CEMIP: variants seen among roughly 807,000 people sequenced by gnomAD.
The protein encoded by CEMIP is cell migration inducing hyaluronidase 1, also known as cell migration-inducing and hyaluronan-binding protein.
A neutral mutation model predicts 156.9 loss-of-function variants in CEMIP; 105 were observed. The ratio of observed to expected loss-of-function variants is 0.67; its 90% CI spans 0.57 to 0.79. The LOEUF is 0.79. Among genes scored for constraint, CEMIP ranks in the 30% least tolerant of loss-of-function variants. The pLI, the probability that CEMIP is intolerant of heterozygous loss-of-function variation, is 0.00. For synonymous variants in CEMIP, 676 were observed against 668.4 expected, an observed-to-expected ratio of 1.01 and a Z score of -0.17; for missense variants, 1,457 against 1,769.4, an observed-to-expected ratio of 0.82 and a Z score of 3.17.
intron 19 of CEMIP, among the ~76,000 whole-genome samples, chr15:80,927,128 C>T (rs1469659126): frequency 2.0e-5 from 3 of 152,148 alleles, no homozygotes; most frequent in African/African-American, 7.2e-5. Context: ...TGTGCCCAGC[C>T]GCAGGGCCTT....
At chr15:80,855,507 C>A (rs1430635417) in intron 1 of CEMIP, among the ~76,000 whole-genome samples, 1 of 149,950 alleles carries the variant, frequency 6.7e-6, no homozygotes, top group East Asian at 2.0e-4. Context: ...TTTTTTTTTT[C>A]TTTTTCTTTT....
chr15:80,874,125 G>C, intron 3 of CEMIP, 152 bp downstream of exon 3: 1 of 720,268 alleles, frequency 1.4e-6, no homozygotes, highest in African/African-American at 1.7e-5. Context: ...AAACTCCTTG[G>C]TCCCCGGCAC....
At chr15:80,825,507 G>A (rs1368237704) in intron 1 of CEMIP, among the ~76,000 whole-genome samples, 6 of 152,116 alleles carry the variant, frequency 3.9e-5, no homozygotes, top group African/African-American at 1.4e-4. Context: ...GAATTTCCAG[G>A]ACAGGGCTGG....
chr15:80,788,082 G>A (rs553695063), intron 1 of CEMIP, among the ~76,000 whole-genome samples: 9 of 152,214 alleles, frequency 5.9e-5, no homozygotes, highest in African/African-American at 9.6e-5. Flanking sequence ...GGCCCCTGTC[G>A]GTGTGCAAAG....
chr15:80,888,855 C>A, intron 9 of CEMIP, 59 bp downstream of exon 9: 1 of 1,362,294 alleles, frequency 7.3e-7, no homozygotes, highest in Non-Finnish European at 1.1e-6. Context: ...CCAGAAATCA[C>A]TGTCTTTGCA....
In CEMIP at chr15:80,920,166, AC is replaced by A; in HGVS notation, c.1871del (p.Thr624IlefsTer27). ...GGAAGATGGGCCGGAGGAACGCAAC[AC>A]TTTTGACCACTGTCTTGGCCTCCTT... ...FTEDGPEERN[T>X]FDHCLGLLVK... On this transcript the variant is annotated frameshift_variant, in exon 15 of 30. Coordinates refer to ENST00000394685, the MANE Select transcript of CEMIP (RefSeq NM_001293298.2). LOFTEE classifies it high-confidence loss of function. 1 of 1,614,158 alleles carries A rather than the reference AC, an allele frequency of 6.2e-7. No homozygotes were observed. The highest frequency in any genetic ancestry group is 8.5e-7 in the Non-Finnish European group (1 of 1,180,020).
Position 80,873,890 on chromosome 15 carries a change from C to A in CEMIP, c.11C>A (p.Ala4Asp), listed in dbSNP as rs1898377634. 1 of 1,578,612 alleles carries A rather than the reference C, an allele frequency of 6.3e-7. No individual in the cohort carries two copies. The highest frequency in any genetic ancestry group is 8.6e-7 in the Non-Finnish European group (1 of 1,160,502). ...GAGCACACTGCCAGGATGGGAGCTG[C>A]TGGGAGGCAGGACTTCCTCTTCAAG... MGA[A>D]GRQDFLFKAM... is the part of the protein sequence containing the mutation. The change falls in exon 3 of 30, where the codon GCT (alanine) becomes GAT (aspartate). Residue 4 changes from alanine (A) to aspartate (D), a missense_variant. Around this residue, in one of 5 missense-constraint regions of CEMIP, gnomAD observed 309 missense variants for 340.8 expected, o/e 0.91. Transcript: ENST00000394685.
In CEMIP at chr15:80,895,071, C is replaced by T. The variant is rs535992572; in HGVS notation, c.1168C>T (p.Arg390Trp). The change falls in exon 11 of 30, where the codon CGG becomes TGG. Residue 390 changes from arginine to tryptophan, a missense_variant. Transcript: ENST00000394685. ...GGATTATAGGTTTGCTTGCTACGAC[C>T]GGGGCAGAGCCTGCCGGAGCTACCG... ...GQDYRFACYD[R>W]GRACRSYRVR... The T allele has an allele frequency of 8.7e-5, 140 of 1,614,060 alleles. 1 individual carries two copies. In the South Asian group the frequency reaches 1.3e-3, roughly 15 times the overall value.
intron 8 of CEMIP, among the ~76,000 whole-genome samples, chr15:80,888,219 AG>A (rs1274981067): frequency 2.6e-5 from 4 of 152,042 alleles, no homozygotes; most frequent in African/African-American, 9.7e-5. Flanking sequence ...AAAAAAAAAA[AG>A]AATTAGCCAG....
intron 1 of CEMIP, among the ~76,000 whole-genome samples, chr15:80,782,390 G>T (rs1895820475): frequency 6.6e-6 from 1 of 152,202 alleles, no homozygotes; most frequent in Non-Finnish European, 1.5e-5. Context: ...CTTACTTCAT[G>T]CTTGAGCCTT....
At chr15:80,931,202 C>T (rs1900898669) in intron 21 of CEMIP, among the ~76,000 whole-genome samples, 1 of 152,196 alleles carries the variant, frequency 6.6e-6, no homozygotes, top group African/African-American at 2.4e-5. Context: ...TCTTGCTTTT[C>T]AGTGGGGCCT....
At chr15:80,850,658 C>A (rs578245807) in intron 1 of CEMIP, among the ~76,000 whole-genome samples, 1 of 152,228 alleles carries the variant, frequency 6.6e-6, no homozygotes, top group Non-Finnish European at 1.5e-5. Flanking sequence ...CTTGGCTGCT[C>A]CCTAAAGTTG....
At chr15:80,922,994 C>T (rs1900530056) in intron 17 of CEMIP, among the ~76,000 whole-genome samples, 1 of 152,198 alleles carries the variant, frequency 6.6e-6, no homozygotes, top group South Asian at 2.1e-4. Flanking sequence ...TGACGTTCCT[C>T]AAAGGGAACA....
At chr15:80,878,640 G>A (rs899143094) in intron 3 of CEMIP, 81 bp from the exon 4 acceptor site, 17 of 1,585,198 alleles carry the variant, frequency 1.1e-5, no homozygotes, top group Non-Finnish European at 1.5e-5. Context: ...AAAGATGCAT[G>A]GGAGCCCCCT....
At chr15:80,911,861 GGCA>G (rs1900070489) in intron 14 of CEMIP, among the ~76,000 whole-genome samples, 1 of 151,996 alleles carries the variant, frequency 6.6e-6, no homozygotes, top group Non-Finnish European at 1.5e-5. Flanking sequence ...CACCCAGCAG[GGCA>G]GTGTTGAGAG....
intron 29 of CEMIP, chr15:80,948,114 C>T (rs1490126994): frequency 6.5e-6 from 1 of 153,118 alleles, no homozygotes; most frequent in Admixed American, 6.5e-5. Flanking sequence ...TCCCGGTTGC[C>T]AAAAGCTGAT....
chr15:80,815,802 G>A (rs927032574), intron 1 of CEMIP, among the ~76,000 whole-genome samples: 6 of 152,152 alleles, frequency 3.9e-5, no homozygotes, highest in Admixed American at 3.9e-4. Flanking sequence ...TCTGCCCTGG[G>A]AGCTCCAGAA....
Position 80,932,702 on chromosome 15 carries a change from A to C in CEMIP, c.2794-543A>C, listed in dbSNP as rs1900968759. Among the ~76,000 whole-genome samples, 1 of 152,128 alleles carries C rather than the reference A, an allele frequency of 6.6e-6. No individual in the cohort carries two copies. Among genetic ancestry groups the C allele is most frequent in the African/African-American group, 2.4e-5 (1 of 41,414 alleles). ...AAACGATGTGAAACTGAAATGACTT[A>C]ATGTCTTTACTCAGGCAACTGAGAG... On this transcript the variant is annotated intron_variant, in intron 22 of 29. Transcript: ENST00000394685. This position sits in a 1 kb window ranked among gnomAD's most constrained non-coding sequence, Gnocchi z 4.5.
At chr15:80,895,232 G>C (rs990303227) in intron 11 of CEMIP, 110 bp downstream of exon 11, 1 of 1,469,486 alleles carries the variant, frequency 6.8e-7, no homozygotes, top group African/African-American at 1.4e-5. Context: ...TCCCAAAGGA[G>C]AGCACTTTTG....
Sources: allele counts gnomAD v4.1 joint callset (sites outside exome capture counted in the v4.1 genomes callset), GRCh38; gene constraint gnomAD v4.1.1; regional missense constraint gnomAD v4.1.1; non-coding constraint Gnocchi (gnomAD v3.1); transcripts MANE v1.5; gene names NCBI Gene and HGNC (gene_info 2026-07-23, HGNC 2026-07-21).